Variants in PDE9A observed in about 807,000 individuals in gnomAD.
PDE9A encodes the protein high affinity cGMP-specific 3',5'-cyclic phosphodiesterase 9A.
PDE9A carries 60 observed loss-of-function variants against 87.4 expected under a neutral mutation model. The observed-to-expected ratio is 0.69, with a 90% confidence interval of 0.56 to 0.85. The LOEUF (loss-of-function observed/expected upper bound fraction) is 0.85. Ranked by LOEUF, PDE9A falls within the 40% of genes least tolerant of loss-of-function variation. PDE9A has a pLI of 0.00. For synonymous variants in PDE9A, 272 were observed against 279.4 expected (o/e 0.97, Z 0.27); for missense variants, 665 against 779.0 (o/e 0.85, Z 1.74).
chr21:42,740,794 T>TAGAC (rs1391860744), intron 7 of PDE9A, among the ~76,000 whole-genome samples: 1 of 151,490 alleles, frequency 6.6e-6, no homozygotes, highest in East Asian at 1.9e-4. Flanking sequence ...GATAGATAGA[T>TAGAC]AGATAAACAG....
At chr21:42,662,964 C>G (rs1450873040) in intron 1 of PDE9A, among the ~76,000 whole-genome samples, 1 of 147,782 alleles carries the variant, frequency 6.8e-6, no homozygotes, top group Admixed American at 6.7e-5. Context: ...CACATGCACA[C>G]GCCACGCGCC....
intron 18 of PDE9A, among the ~76,000 whole-genome samples, chr21:42,772,161 G>T (rs1489107726): frequency 1.3e-5 from 2 of 152,196 alleles, no homozygotes; most frequent in Non-Finnish European, 2.9e-5. Context: ...AGCCCAAGCC[G>T]CAGGCTCTGC....
intron 10 of PDE9A, among the ~76,000 whole-genome samples, chr21:42,755,103 G>A (rs962081799): frequency 4.6e-5 from 7 of 152,094 alleles, no homozygotes; most frequent in Non-Finnish European, 8.8e-5. Flanking sequence ...TGCAGACCTC[G>A]GCCTCAGCTG....
At position 42,730,349 on chromosome 21, in the gene PDE9A, A is replaced by G. The variant is rs547374700; in HGVS notation, c.263-1421A>G. On this transcript the variant is annotated intron_variant, in intron 4 of 19. Transcript: ENST00000291539. ...TATCAAGTCATAGAATGCTAAAGGC[A>G]GCGGGAATCTAGGGTGATCTGGTCT... is the stretch of plus-strand genomic sequence containing the variant. Among the ~76,000 whole-genome samples the G allele has an allele frequency of 2.0e-5, 3 of 152,352 alleles. No individual in the cohort carries two copies. The South Asian group carries it at 6.2e-4, about 32-fold the overall frequency.
At chr21:42,664,052 C>T (rs1270364889) in intron 1 of PDE9A, among the ~76,000 whole-genome samples, 2 of 152,232 alleles carry the variant, frequency 1.3e-5, no homozygotes, top group East Asian at 1.9e-4. Context: ...GGCCCGGGGC[C>T]GAGTCGGGTC....
At chr21:42,729,942 G>C (rs760253207) in intron 4 of PDE9A, among the ~76,000 whole-genome samples, 19 of 152,190 alleles carry the variant, frequency 1.2e-4, no homozygotes, top group Non-Finnish European at 2.1e-4. Context: ...CTTGGTACAT[G>C]CTCTGTAGGT....
At chr21:42,665,670 C>A (rs1387373502) in intron 1 of PDE9A, among the ~76,000 whole-genome samples, 1 of 152,190 alleles carries the variant, frequency 6.6e-6, no homozygotes, top group Non-Finnish European at 1.5e-5. Context: ...GGATGTGTCG[C>A]GTGCAGGTGC....
chr21:42,771,475 G>T (rs529754553), intron 18 of PDE9A, among the ~76,000 whole-genome samples: 1 of 152,304 alleles, frequency 6.6e-6, no homozygotes, highest in South Asian at 2.1e-4. Flanking sequence ...CCCCCAGGCA[G>T]CTAGAACAGT....
chr21:42,732,885 G>A lies in PDE9A; in HGVS notation c.498-471G>A, dbSNP rs148843468. 7.7e-4 allele frequency among the ~76,000 whole-genome samples: 117 copies of A among 152,372 alleles called. 3 individuals are homozygous for A. In the East Asian group the frequency reaches 0.02, roughly 26 times the overall value. On this transcript the variant is annotated intron_variant, in intron 6 of 19. Transcript: ENST00000291539. ...GCCGAGATCACGCCACTGCACTCCA[G>A]CCTGGGCAAGAGTGACACTCTGTCT...
intron 1 of PDE9A, among the ~76,000 whole-genome samples, chr21:42,677,310 A>G (rs1257798820): frequency 6.6e-6 from 1 of 152,372 alleles, no homozygotes; most frequent in Middle Eastern, 3.4e-3. Context: ...CAATGAACAT[A>G]ATTGCATGTT....
At chr21:42,664,783 C>T (rs1314811300) in intron 1 of PDE9A, among the ~76,000 whole-genome samples, 1 of 152,222 alleles carries the variant, frequency 6.6e-6, no homozygotes, top group Non-Finnish European at 1.5e-5. Flanking sequence ...TATTTGGGTA[C>T]ACACGGCCGG....
At chr21:42,689,029 G>T (rs772073684) in intron 3 of PDE9A, among the ~76,000 whole-genome samples, 37 of 151,386 alleles carry the variant, frequency 2.4e-4, no homozygotes, top group African/African-American at 3.2e-4. Context: ...GGCCAGTGCC[G>T]TCCTCAGCGA....
intron 7 of PDE9A, among the ~76,000 whole-genome samples, chr21:42,743,436 G>A (rs1427696897): frequency 6.6e-6 from 1 of 152,212 alleles, no homozygotes; most frequent in African/African-American, 2.4e-5. Flanking sequence ...CATGTCCTCA[G>A]CTGGTGCTTA....
intron 4 of PDE9A, among the ~76,000 whole-genome samples, chr21:42,715,135 C>A (rs944176728): frequency 1.1e-4 from 15 of 134,802 alleles, no homozygotes; most frequent in African/African-American, 4.0e-4. Flanking sequence ...TTAGCTGTCT[C>A]TTTTTGCATT....
At position 42,756,851 on chromosome 21, in the gene PDE9A, A is replaced by C. The variant is rs566087653; in HGVS notation, c.811-2148A>C. 16 of 152,572 alleles carry C rather than the reference A, an allele frequency of 1.0e-4. No individual in the cohort carries two copies. The East Asian group carries it at 3.1e-3, about 29-fold the overall frequency. The allele number at this position is 152,572 out of a possible 1,614,324, so 9.5% of individuals were successfully genotyped here. On this transcript the variant is annotated intron_variant, in intron 10 of 19. Transcript: ENST00000291539. ...GGACTGCACGTGCAGCCACAGATGC[A>C]TCCGGCCCTCCTGCCCCACAGCCTC...
rs991182309 is a variant in PDE9A at position 42,675,793 on chromosome 21, C to T, written c.70-10399C>T. On this transcript the variant is annotated intron_variant, in intron 1 of 19. Coordinates refer to ENST00000291539, the MANE Select transcript of PDE9A (RefSeq NM_002606.3). The surrounding 1 kb of genome is among the most constrained non-coding windows in gnomAD (Gnocchi z 4.3). The stretch of plus-strand genomic sequence containing the variant: ...AGTCTTACAACCAGGGTATTGACAG[C>T]GAGACAAGCCCCCATCTGATCCAGA... Among the ~76,000 whole-genome samples, 7 of 152,156 alleles carry T rather than the reference C, an allele frequency of 4.6e-5. No homozygotes were observed. Among genetic ancestry groups the T allele is most frequent in the African/African-American group, 1.2e-4 (5 of 41,418 alleles).
At chr21:42,716,032 C>T (rs1194442061) in intron 4 of PDE9A, among the ~76,000 whole-genome samples, 1 of 151,874 alleles carries the variant, frequency 6.6e-6, no homozygotes, top group Non-Finnish European at 1.5e-5. Context: ...CTTTCACTTA[C>T]TAATATGTCT....
intron 4 of PDE9A, among the ~76,000 whole-genome samples, chr21:42,707,250 C>T (rs961810447): frequency 2.0e-4 from 30 of 152,198 alleles, no homozygotes; most frequent in African/African-American, 5.1e-4. Context: ...CAGAGGATAC[C>T]GGATGCTGCG....
intron 14 of PDE9A, among the ~76,000 whole-genome samples, chr21:42,764,722 A>T (rs1387433110): frequency 1.3e-5 from 2 of 152,234 alleles, no homozygotes; most frequent in African/African-American, 4.8e-5. Flanking sequence ...CCACTTTTTT[A>T]AAAATATATT....
Sources: gnomAD v4.1 joint callset for allele counts (sites outside exome capture counted in the v4.1 genomes callset) on GRCh38, gnomAD v4.1.1 for gene constraint, Gnocchi (gnomAD v3.1) non-coding constraint, MANE v1.5 for transcripts, NCBI Gene and HGNC (gene_info 2026-07-23, HGNC 2026-07-21) for gene names.